ANXA4: variants seen among roughly 807,000 people sequenced by gnomAD.
ANXA4 encodes the protein 35-beta calcimedin.
In ANXA4, 39 loss-of-function variants were observed where a neutral mutation model predicts 49.8. That is an observed-to-expected ratio of 0.78 (90% CI 0.61 to 1.02). ANXA4 has a LOEUF of 1.02. Among genes scored for constraint, ANXA4 ranks in the 50% least tolerant of loss-of-function variants. The pLI, the probability that ANXA4 is intolerant of heterozygous loss-of-function variation, is 0.00. For missense variants in ANXA4, 360 were observed against 410.1 expected (o/e 0.88, Z 1.05); for synonymous variants, 134 against 152.5 (o/e 0.88, Z 0.89).
chr2:69,663,293 CTTTTTTTTTTTTTTTTTTTTTTT>C (rs55970370), intron 2 of ANXA4, among the ~76,000 whole-genome samples: 1 of 42,822 alleles, frequency 2.3e-5, no homozygotes, highest in Admixed American at 4.0e-4. Flanking sequence ...TGCACCCGGC[CTTTTTTTTTTTTTTTTTTTTTTT>C]TTTTTTTTTT....
intron 2 of ANXA4, among the ~76,000 whole-genome samples, chr2:69,706,295 T>C: frequency 2.3e-5 from 2 of 88,476 alleles, no homozygotes; most frequent in East Asian, 3.7e-4. Context: ...ACAATTCCTT[T>C]TTTTTTTTTT....
At chr2:69,812,132 T>G (rs1274995042) in intron 7 of ANXA4, among the ~76,000 whole-genome samples, 1 of 151,248 alleles carries the variant, frequency 6.6e-6, no homozygotes, top group Non-Finnish European at 1.5e-5. Flanking sequence ...TTTTTTTTTT[T>G]TTTTTTTAAG....
At chr2:69,796,316 AG>A (rs1265893520) in intron 3 of ANXA4, among the ~76,000 whole-genome samples, 3 of 152,132 alleles carry the variant, frequency 2.0e-5, no homozygotes, top group African/African-American at 7.2e-5. Flanking sequence ...CATCTCCTTG[AG>A]CCTTAGTCAC....
chr2:69,733,215 C>T (rs1670151103), intron 3 of ANXA4, among the ~76,000 whole-genome samples: 1 of 152,122 alleles, frequency 6.6e-6, no homozygotes, highest in African/African-American at 2.4e-5. Context: ...TTAAGATTTA[C>T]TGGAAAATAA....
intron 2 of ANXA4, among the ~76,000 whole-genome samples, chr2:69,697,654 A>G (rs771832517): frequency 6.6e-6 from 1 of 152,230 alleles, no homozygotes; most frequent in Non-Finnish European, 1.5e-5. Context: ...AGAGATGCAC[A>G]TGATTCTTCC....
intron 12 of ANXA4, among the ~76,000 whole-genome samples, chr2:69,824,690 G>A (rs528060259): frequency 1.3e-5 from 2 of 152,114 alleles, no homozygotes; most frequent in Admixed American, 1.3e-4. Flanking sequence ...GGAGAGGGAG[G>A]ATGTGATCAA....
intron 3 of ANXA4, among the ~76,000 whole-genome samples, chr2:69,724,632 C>A (rs538315965): frequency 6.6e-6 from 1 of 152,100 alleles, no homozygotes; most frequent in African/African-American, 2.4e-5. Context: ...AGTGACTAAC[C>A]CACCACCGGC....
At chr2:69,656,071 T>C (rs1676426767) in intron 2 of ANXA4, among the ~76,000 whole-genome samples, 2 of 151,476 alleles carry the variant, frequency 1.3e-5, no homozygotes, top group South Asian at 4.2e-4. Context: ...AAATACCTAA[T>C]GTAGATGATG....
At position 69,725,959 on chromosome 2, in the gene ANXA4, C is replaced by G. The variant is rs141816986; in HGVS notation, n.864+5088C>G. 1.7e-3 allele frequency among the ~76,000 whole-genome samples: 260 copies of G among 152,256 alleles called. 1 individual carries two copies. The highest frequency in any genetic ancestry group is 6.1e-3 in the African/African-American group (253 of 41,552). ...GACTTTTTTTTCACTATGCAGTTGT[C>G]AGGATGCAGCTGAGAAAATTATCAG... On this transcript the variant is annotated intron_variant and non_coding_transcript_variant, in intron 3 of 3. Transcript: ENST00000418066.
chr2:69,727,963 T>C (rs1036623038), intron 3 of ANXA4, among the ~76,000 whole-genome samples: 17 of 152,214 alleles, frequency 1.1e-4, no homozygotes, highest in African/African-American at 4.1e-4. Context: ...GCCAGTTAGT[T>C]TGTAAAGTGC....
intron 2 of ANXA4, among the ~76,000 whole-genome samples, chr2:69,785,597 T>C (rs1322480599): frequency 6.6e-6 from 1 of 151,842 alleles, no homozygotes; most frequent in African/African-American, 2.4e-5. Context: ...AGTTTTTGTT[T>C]TAGTGTTTAC....
chr2:69,714,417 C>T (rs1678804904), intron 2 of ANXA4, among the ~76,000 whole-genome samples: 1 of 152,186 alleles, frequency 6.6e-6, no homozygotes, highest in Admixed American at 6.5e-5. Flanking sequence ...TCCTGGCAAC[C>T]GAAGCCGAAG....
At chr2:69,645,805 C>T (rs1201118383) in intron 1 of ANXA4, among the ~76,000 whole-genome samples, 2 of 152,122 alleles carry the variant, frequency 1.3e-5, no homozygotes, top group Non-Finnish European at 2.9e-5. Context: ...ATGACAAATC[C>T]ACAGTTTTTC....
chr2:69,647,119 TAA>T (rs1460213582), intron 1 of ANXA4, among the ~76,000 whole-genome samples: 1 of 152,230 alleles, frequency 6.6e-6, no homozygotes, highest in Non-Finnish European at 1.5e-5. Flanking sequence ...TCCTGTAACT[TAA>T]GTGTGTATTC....
In ANXA4 at chr2:69,728,284, G is replaced by C. The variant is rs528104915; in HGVS notation, n.864+7413G>C. 2.0e-5 allele frequency among the ~76,000 whole-genome samples: 3 copies of C among 152,154 alleles called. No homozygotes were observed. The East Asian group carries it at 5.8e-4, about 29-fold the overall frequency. ...GCTTCTCTATATGATCTTGCTATGA[G>C]CCCTTTTTTGATACATGTATTGTAA... On this transcript the variant is annotated intron_variant and non_coding_transcript_variant, in intron 3 of 3. Transcript: ENST00000418066.
intron 1 of ANXA4, among the ~76,000 whole-genome samples, chr2:69,778,131 T>C (rs1672036249): frequency 6.6e-6 from 1 of 152,230 alleles, no homozygotes; most frequent in African/African-American, 2.4e-5. Flanking sequence ...GCTTGTAGGT[T>C]GTACAAAAGC....
At chr2:69,764,871 A>T (rs188267015) in intron 1 of ANXA4, among the ~76,000 whole-genome samples, 28 of 152,290 alleles carry the variant, frequency 1.8e-4, no homozygotes, top group African/African-American at 6.5e-4. Context: ...CTCCAGCATT[A>T]TCATTCTGCT....
upstream of ANXA4, among the ~76,000 whole-genome samples, chr2:69,740,855 GT>G (rs10718417): frequency 0.43 from 41,963 of 98,174 alleles, 7,276 homozygotes; most frequent in East Asian, 0.59. Context: ...CTATATATAT[GT>G]TTTTTTTTTT....
At chr2:69,795,746 C>T (rs962635106) in intron 3 of ANXA4, among the ~76,000 whole-genome samples, 5 of 152,304 alleles carry the variant, frequency 3.3e-5, no homozygotes, top group African/African-American at 1.2e-4. Context: ...AAGAGTTTGT[C>T]CTGGGGCCAT....
Sources: gnomAD v4.1 joint callset for allele counts (sites outside exome capture counted in the v4.1 genomes callset) on GRCh38, gnomAD v4.1.1 for gene constraint, MANE v1.5 for transcripts, NCBI Gene and HGNC (gene_info 2026-07-23, HGNC 2026-07-21) for gene names.